PDGFC: variants seen among roughly 807,000 people sequenced by gnomAD.
PDGFC encodes the protein platelet-derived growth factor C.
In PDGFC, 12 loss-of-function variants were observed where a neutral mutation model predicts 35.5. The ratio of observed to expected loss-of-function variants is 0.34; its 90% CI spans 0.22 to 0.55. PDGFC has a LOEUF of 0.55. PDGFC is among the 20% of genes least tolerant of loss of function. PDGFC has a pLI of 0.91. For missense variants in PDGFC, 322 were observed against 412.4 expected (o/e 0.78, Z 1.90); for synonymous variants, 159 against 148.8 (o/e 1.07, Z -0.50).
chr4:156,765,438 A>T (rs1730497467), intron 5 of PDGFC, among the ~76,000 whole-genome samples: 1 of 152,164 alleles, frequency 6.6e-6, no homozygotes, highest in South Asian at 2.1e-4. Context: ...CACAGAGAGA[A>T]CCGGCAAGGA....
intron 1 of PDGFC, among the ~76,000 whole-genome samples, chr4:156,960,732 T>C (rs1732323830): frequency 6.6e-6 from 1 of 151,976 alleles, no homozygotes; most frequent in South Asian, 2.1e-4. Flanking sequence ...TCCAACTTTT[T>C]CCCTTGTTTT....
At chr4:156,858,366 C>T (rs6536210) in intron 1 of PDGFC, among the ~76,000 whole-genome samples, 17,046 of 152,008 alleles carry the variant, frequency 0.11, 1,158 homozygotes, top group African/African-American at 0.19. Context: ...ATCTTCTTAC[C>T]TATTATGAAA....
chr4:156,802,451 CA>C (rs1226613237), intron 3 of PDGFC, among the ~76,000 whole-genome samples: 3 of 151,936 alleles, frequency 2.0e-5, no homozygotes, highest in African/African-American at 7.3e-5. Flanking sequence ...CCAGATACCC[CA>C]AATCTGCTTT....
intron 1 of PDGFC, among the ~76,000 whole-genome samples, chr4:156,914,534 T>C (rs963306036): frequency 6.6e-6 from 1 of 152,230 alleles, no homozygotes; most frequent in Non-Finnish European, 1.5e-5. Context: ...GCCAAAGTTA[T>C]CACTGATCCC....
At chr4:156,911,562 A>G (rs1731041463) in intron 1 of PDGFC, among the ~76,000 whole-genome samples, 1 of 152,058 alleles carries the variant, frequency 6.6e-6, no homozygotes, top group Non-Finnish European at 1.5e-5. Flanking sequence ...TATATATATT[A>G]TTTGCTTTCA....
intron 1 of PDGFC, among the ~76,000 whole-genome samples, chr4:156,855,398 AAAG>A (rs1278616407): frequency 6.6e-5 from 10 of 152,218 alleles, no homozygotes; most frequent in South Asian, 2.1e-4. Flanking sequence ...TTTTAGCAGA[AAAG>A]AAATGGTAGA....
chr4:156,915,713 A>G (rs1271560163), intron 1 of PDGFC, among the ~76,000 whole-genome samples: 5 of 152,134 alleles, frequency 3.3e-5, no homozygotes, highest in Non-Finnish European at 7.4e-5. Context: ...GAATCCCGGC[A>G]GAGGTTGCAG....
chr4:156,910,419 GTTTA>G (rs1731012014), intron 1 of PDGFC, among the ~76,000 whole-genome samples: 1 of 152,116 alleles, frequency 6.6e-6, no homozygotes, highest in African/African-American at 2.4e-5. Context: ...AAAGGTACCA[GTTTA>G]TTTAACAGTC....
At chr4:156,933,948 C>T (rs2110885652) in intron 1 of PDGFC, among the ~76,000 whole-genome samples, 1 of 152,280 alleles carries the variant, frequency 6.6e-6, no homozygotes, top group East Asian at 1.9e-4. Context: ...AATCTCCCTC[C>T]TTTATAAATT....
intron 1 of PDGFC, among the ~76,000 whole-genome samples, chr4:156,864,245 T>C (rs1729782364): frequency 6.6e-6 from 1 of 152,110 alleles, no homozygotes; most frequent in African/African-American, 2.4e-5. Context: ...GGCCACTGTG[T>C]TAAGAACTGA....
rs942324390 is a variant in PDGFC at position 156,971,626 on chromosome 4, G to C, written c.-723C>G. ...CAGCACGGATTCCGGCACCTGGCTT[G>C]AGTTTTCCGCGACCAAAGTTCACCT... On this transcript the variant is annotated 5_prime_UTR_variant, in exon 1 of 6. Coordinates refer to ENST00000502773, the MANE Select transcript of PDGFC (RefSeq NM_016205.3). Among the ~76,000 whole-genome samples the C allele has an allele frequency of 2.8e-4, 42 of 151,738 alleles. No homozygotes were observed. The highest frequency in any genetic ancestry group is 9.9e-4 in the African/African-American group (41 of 41,362).
chr4:156,811,387 C>G (rs1159488276), intron 2 of PDGFC, among the ~76,000 whole-genome samples: 1 of 152,038 alleles, frequency 6.6e-6, no homozygotes. Context: ...CCTATTATTA[C>G]TGCCCTTTAT....
intron 1 of PDGFC, among the ~76,000 whole-genome samples, chr4:156,913,330 G>A (rs1006762178): frequency 6.6e-6 from 1 of 151,740 alleles, no homozygotes; most frequent in Non-Finnish European, 1.5e-5. Context: ...CTGCCTACAT[G>A]ACCTACAGGC....
chr4:156,813,288 A>G (rs1032009993), intron 2 of PDGFC, among the ~76,000 whole-genome samples: 5 of 152,116 alleles, frequency 3.3e-5, no homozygotes, highest in Non-Finnish European at 7.4e-5. Context: ...CTCATTCGAC[A>G]GGGATTTATG....
intron 5 of PDGFC, among the ~76,000 whole-genome samples, chr4:156,764,748 T>G (rs2110786374): frequency 6.6e-6 from 1 of 152,350 alleles, no homozygotes; most frequent in Admixed American, 6.5e-5. Context: ...AGTACTGATT[T>G]ATTATTTTTG....
chr4:156,908,419 C>A (rs1212546282), intron 1 of PDGFC, among the ~76,000 whole-genome samples: 2 of 151,728 alleles, frequency 1.3e-5, no homozygotes, highest in African/African-American at 4.8e-5. Flanking sequence ...TTATTTCAAT[C>A]TAGAAATGCC....
intron 1 of PDGFC, among the ~76,000 whole-genome samples, chr4:156,897,345 A>AGT (rs1444359699): frequency 1.5e-3 from 132 of 86,488 alleles, no homozygotes; most frequent in African/African-American, 4.0e-3. Context: ...AGTGTGTGAG[A>AGT]GTGTATGTGT....
intron 5 of PDGFC, among the ~76,000 whole-genome samples, chr4:156,767,335 T>C (rs1329957067): frequency 1.3e-5 from 2 of 152,254 alleles, no homozygotes; most frequent in African/African-American, 4.8e-5. Context: ...ATTATGAATA[T>C]GTCATCTTAG....
In PDGFC at chr4:156,760,972, A is replaced by T. The variant is rs1222684439; in HGVS notation, c.*2118T>A. 3 of 152,136 alleles carry T rather than the reference A, an allele frequency of 2.0e-5. No homozygotes were observed. Among genetic ancestry groups the T allele is most frequent in the Non-Finnish European group, 2.9e-5 (2 of 68,036 alleles). 9.4% of individuals were successfully genotyped at this position (152,136 alleles called of 1,614,324 possible). On this transcript the variant is annotated 3_prime_UTR_variant, in exon 6 of 6. Transcript: ENST00000502773. ...GCCTCTATATGGATAGGACAAAACC[A>T]GGAAAAGGTAAGGAAGTAAGACAGA...
Sources: gnomAD v4.1 joint callset for allele counts (sites outside exome capture counted in the v4.1 genomes callset) on GRCh38, gnomAD v4.1.1 for gene constraint, MANE v1.5 for transcripts, NCBI Gene and HGNC (gene_info 2026-07-23, HGNC 2026-07-21) for gene names.